The following ANGPT1 variants were observed in gnomAD, a reference collection of about 807,000 sequenced individuals.
ANGPT1 encodes the protein angiopoietin 1.
ANGPT1 carries 17 observed loss-of-function variants against 62.2 expected under a neutral mutation model. The ratio of observed to expected loss-of-function variants is 0.27; its 90% CI spans 0.19 to 0.41. The LOEUF is 0.41. Among genes scored for constraint, ANGPT1 ranks in the 10% least tolerant of loss-of-function variants. ANGPT1 has a pLI of 1.00. For missense variants in ANGPT1, 478 were observed against 594.9 expected (o/e 0.80, Z 2.04); for synonymous variants, 199 against 198.9 (o/e 1.00, Z 0.00).
chr8:107,297,768 TAC>T (rs533920715), intron 5 of ANGPT1, among the ~76,000 whole-genome samples: 6 of 142,696 alleles, frequency 4.2e-5, no homozygotes, highest in Non-Finnish European at 6.2e-5. Context: ...TATATATATA[TAC>T]ACACACACAC....
rs566546406 is a variant in ANGPT1 at position 107,290,424 on chromosome 8, C to T, written c.1038+3512G>A. On this transcript the variant is annotated intron_variant, in intron 6 of 8. Transcript: ENST00000517746. The stretch of plus-strand genomic sequence containing the variant: ...TCTTGTTATCCCGAAGGATGTACAC[C>T]CTTAGCTGAAGAAGTGAGCAGGCAG... 4.6e-5 allele frequency among the ~76,000 whole-genome samples: 7 copies of T among 152,156 alleles called. No homozygotes were observed. The South Asian group carries it at 1.5e-3, about 32-fold the overall frequency.
intron 8 of ANGPT1, among the ~76,000 whole-genome samples, chr8:107,261,249 C>T (rs1813483089): frequency 6.9e-6 from 1 of 143,918 alleles, no homozygotes; most frequent in South Asian, 2.3e-4. Context: ...GGAAAAAGCT[C>T]AAGACCTACC....
At chr8:107,463,350 A>G (rs1400234353) in intron 1 of ANGPT1, among the ~76,000 whole-genome samples, 1 of 152,124 alleles carries the variant, frequency 6.6e-6, no homozygotes, top group Non-Finnish European at 1.5e-5. Flanking sequence ...AGAGCAAAGG[A>G]CCCACGTAAG....
intron 1 of ANGPT1, among the ~76,000 whole-genome samples, chr8:107,457,332 T>C (rs1439348529): frequency 1.3e-5 from 2 of 152,062 alleles, no homozygotes; most frequent in Admixed American, 1.3e-4. Context: ...TAATAACCAG[T>C]TTAATAATGA....
chr8:107,357,814 T>C (rs1186184198), intron 1 of ANGPT1, among the ~76,000 whole-genome samples: 3 of 152,174 alleles, frequency 2.0e-5, no homozygotes, highest in African/African-American at 7.2e-5. Flanking sequence ...CATGACTAGG[T>C]AGAAAATTGT....
chr8:107,435,352 A>T (rs1209917507), intron 1 of ANGPT1, among the ~76,000 whole-genome samples: 1 of 152,252 alleles, frequency 6.6e-6, no homozygotes, highest in Non-Finnish European at 1.5e-5. Context: ...GCAGTCATTT[A>T]TCTAATAACA....
chr8:107,407,114 G>A (rs1021920005), intron 1 of ANGPT1, among the ~76,000 whole-genome samples: 2 of 152,092 alleles, frequency 1.3e-5, no homozygotes, highest in Admixed American at 6.6e-5. Context: ...CCACAATGAC[G>A]CTTCCACAGA....
At chr8:107,425,660 G>A (rs1263674975) in intron 1 of ANGPT1, among the ~76,000 whole-genome samples, 1 of 152,168 alleles carries the variant, frequency 6.6e-6, no homozygotes, top group Non-Finnish European at 1.5e-5. Context: ...GTGAGAGGCC[G>A]ATCCTGGGGT....
chr8:107,448,912 T>G (rs1018614410), intron 1 of ANGPT1, among the ~76,000 whole-genome samples: 46 of 152,002 alleles, frequency 3.0e-4, no homozygotes, highest in African/African-American at 1.0e-3. Context: ...CACAGAGAGA[T>G]TTTTGGTAAT....
Position 107,313,429 on chromosome 8 carries a change from G to GTTTTTTTTTTTTT in ANGPT1, c.808+8454_808+8466dup, listed in dbSNP as rs71308720. On this transcript the variant is annotated intron_variant, in intron 4 of 8. Coordinates refer to ENST00000517746, the MANE Select transcript of ANGPT1 (RefSeq NM_001146.5). ...TAGGAAGCTAAAAATGTTACTAGTTGTTTTTTTTTTTTTTTTTTTTTTTTT... is the reference window on the plus strand; with the variant it reads ...TAGGAAGCTAAAAATGTTACTAGTTGTTTTTTTTTTTTTTTTTTTTTTTTTTTTTTTTTTTTTT... 9.3e-5 allele frequency among the ~76,000 whole-genome samples: 6 copies of GTTTTTTTTTTTTT among 64,198 alleles called. 2 individuals are homozygous for GTTTTTTTTTTTTT. Among genetic ancestry groups the GTTTTTTTTTTTTT allele is most frequent in the South Asian group, 1.5e-3 (2 of 1,306 alleles). The allele number at this position is 64,198 out of a possible 152,430, so 42.1% of individuals were successfully genotyped here.
intron 7 of ANGPT1, among the ~76,000 whole-genome samples, chr8:107,269,322 A>C (rs1166254866): frequency 6.6e-6 from 1 of 152,052 alleles, no homozygotes; most frequent in Non-Finnish European, 1.5e-5. Flanking sequence ...TTAAAAAAAA[A>C]AAACTTCTTT....
chr8:107,275,223 GCC>G (rs1002960811), intron 7 of ANGPT1, among the ~76,000 whole-genome samples: 2 of 151,936 alleles, frequency 1.3e-5, no homozygotes, highest in African/African-American at 4.8e-5. Flanking sequence ...GAGCAATATT[GCC>G]CCCAGAGGCC....
chr8:107,313,415 A>AAT (rs1250455113), intron 4 of ANGPT1, among the ~76,000 whole-genome samples: 1 of 143,162 alleles, frequency 7.0e-6, no homozygotes, highest in African/African-American at 2.5e-5. Flanking sequence ...AGGAAGCTAA[A>AAT]AATGTTACTA....
At chr8:107,482,224 T>C (rs548020128) in intron 1 of ANGPT1, among the ~76,000 whole-genome samples, 61 of 152,352 alleles carry the variant, frequency 4.0e-4, no homozygotes, top group Non-Finnish European at 7.2e-4. Flanking sequence ...GTAACAACTA[T>C]TTGATTATGT....
chr8:107,324,798 T>C (rs898029407), intron 3 of ANGPT1, among the ~76,000 whole-genome samples: 2 of 152,170 alleles, frequency 1.3e-5, no homozygotes, highest in Non-Finnish European at 1.5e-5. Context: ...AAGTTTCTCA[T>C]TGAGACCCAT....
At chr8:107,406,625 T>C (rs185315051) in intron 1 of ANGPT1, among the ~76,000 whole-genome samples, 3 of 152,160 alleles carry the variant, frequency 2.0e-5, no homozygotes, top group African/African-American at 7.2e-5. Flanking sequence ...TCTCATATTA[T>C]GTTGTGGAGT....
chr8:107,460,391 C>T (rs541191581), intron 1 of ANGPT1, among the ~76,000 whole-genome samples: 1 of 152,162 alleles, frequency 6.6e-6, no homozygotes, highest in African/African-American at 2.4e-5. Flanking sequence ...AACTGGCTGC[C>T]TATTTTGATG....
In ANGPT1 at chr8:107,303,206, C is replaced by T. The variant is rs768219675; in HGVS notation, c.936+34G>A. On this transcript the variant is annotated intron_variant, in intron 5 of 8. Transcript: ENST00000517746. ...ATCCAGCAATTCAACTGGGATCTGG[C>T]TTACATCTTGTAAACAAACACTTCT... is the stretch of plus-strand genomic sequence containing the variant. The T allele has an allele frequency of 2.4e-5, 38 of 1,603,702 alleles. 1 individual carries two copies. The East Asian group carries it at 8.5e-4, about 36-fold the overall frequency.
chr8:107,405,724 TGTAATTA>T (rs1270670664), intron 1 of ANGPT1, among the ~76,000 whole-genome samples: 14 of 151,980 alleles, frequency 9.2e-5, no homozygotes, highest in Non-Finnish European at 2.1e-4. Context: ...ATATTCAACT[TGTAATTA>T]GTCTTCACAC....
Sources: allele counts gnomAD v4.1 joint callset (sites outside exome capture counted in the v4.1 genomes callset), GRCh38; gene constraint gnomAD v4.1.1; transcripts MANE v1.5; gene names NCBI Gene and HGNC (gene_info 2026-07-23, HGNC 2026-07-21).